RAD1: variants seen among roughly 807,000 people sequenced by gnomAD.
RAD1 encodes cell cycle checkpoint protein RAD1.
Under a neutral mutation model 30.0 loss-of-function variants are expected in RAD1, and 21 were observed. The ratio of observed to expected loss-of-function variants is 0.70; its 90% confidence interval spans 0.50 to 1.01. The LOEUF is 1.01. Among genes scored for constraint, RAD1 ranks in the 50% least tolerant of loss-of-function variants. RAD1 has a pLI of 0.00. For synonymous variants in RAD1, 109 were observed against 113.6 expected (o/e 0.96, Z 0.26); for missense variants, 329 against 329.0 (o/e 1.00, Z 0.00).
In RAD1 at chr5:34,908,729, A is replaced by T; in HGVS notation, c.*36T>A. 5 of 1,516,186 alleles carry T rather than the reference A, an allele frequency of 3.3e-6. No individual in the cohort carries two copies. The highest frequency in any genetic ancestry group is 4.5e-6 in the Non-Finnish European group (5 of 1,116,568). 93.9% of individuals were successfully genotyped at this position (1,516,186 alleles called of 1,614,324 possible). A position where few individuals can be genotyped will look rare whatever the true frequency, so the allele number is the denominator to read the frequency against. On this transcript the variant is annotated 3_prime_UTR_variant, in exon 6 of 6. Coordinates refer to ENST00000382038, the MANE Select transcript of RAD1 (RefSeq NM_002853.4). ...ACTCAGAATAAGAACTTCATCTATC[A>T]TAAATGTACACATAAATATCAGTGA...
At chr5:34,913,857 A>G (rs1763941661) in intron 2 of RAD1, 1 of 477,984 alleles carries the variant, frequency 2.1e-6, no homozygotes, top group African/African-American at 1.9e-5. Flanking sequence ...TGACTTGATA[A>G]TGCATGAGCA....
chr5:34,909,422 A>T (rs1763759995), intron 4 of RAD1, 66 bp from the exon 5 acceptor site: 1 of 1,116,960 alleles, frequency 9.0e-7, no homozygotes, highest in Non-Finnish European at 1.3e-6. Flanking sequence ...ATCCAAATAA[A>T]GAAAACACTT....
At position 34,913,550 on chromosome 5, in the gene RAD1, T is replaced by C. The variant is rs1299824325; in HGVS notation, c.227A>G (p.Gln76Arg). Residue 76 changes from glutamine (Q) to arginine (R), a missense_variant, in exon 3 of 6, where the codon CAG becomes CGG. Coordinates refer to ENST00000382038, the MANE Select transcript of RAD1 (RefSeq NM_002853.4). ...AATTCGAAAAGTAACAGACTCTTCC[T>C]GAACTTTAAACTCCTGAAATATTCC... ...QAGIFQEFKVQEESVTFRINL... is the reference protein window; with the variant it reads ...QAGIFQEFKVREESVTFRINL... 1 of 1,599,966 alleles carries C rather than the reference T, an allele frequency of 6.3e-7. No homozygotes were observed. Among genetic ancestry groups the C allele is most frequent in the African/African-American group, 1.3e-5 (1 of 74,174 alleles).
At position 34,908,449 on chromosome 5, in the gene RAD1, A is replaced by G; in HGVS notation, c.*316T>C. The G allele has an allele frequency of 5.7e-6, 1 of 175,058 alleles. No homozygotes were observed. Among genetic ancestry groups the G allele is most frequent in the African/African-American group, 2.3e-5 (1 of 42,566 alleles). 10.8% of individuals were successfully genotyped at this position (175,058 alleles called of 1,614,324 possible). ...CTCGGCTTCCCAAAGTGCTGGGATT[A>G]AAGCCACCACACCCGGCCACCTTTA... On this transcript the variant is annotated 3_prime_UTR_variant, in exon 6 of 6. Coordinates refer to ENST00000382038, the MANE Select transcript of RAD1 (RefSeq NM_002853.4).
In RAD1 at chr5:34,911,812, C is replaced by T. The variant is rs1190840523; in HGVS notation, c.308G>A (p.Gly103Glu). The T allele has an allele frequency of 6.2e-7, 1 of 1,613,752 alleles. No homozygotes were observed. The highest frequency in any genetic ancestry group is 2.2e-5 in the East Asian group (1 of 44,882). ...LSIFGSSPMP[G>E]TLTALRMCYQ... is the part of the protein sequence containing the mutation. ...ACACATTCGAAGTGCAGTTAAAGTC[C>T]CTGCAATGGAAAGAAGTCATACTTG... The change falls in exon 4 of 6, where the codon GGG becomes GAG. Residue 103 changes from glycine (G) to glutamate (E), a missense_variant and splice_region_variant. By Grantham distance (98) the Gly-to-Glu change is moderately conservative. Coordinates refer to ENST00000382038, the MANE Select transcript of RAD1 (RefSeq NM_002853.4).
At position 34,908,598 on chromosome 5, in the gene RAD1, G is replaced by T; in HGVS notation, c.*167C>A. On this transcript the variant is annotated 3_prime_UTR_variant, in exon 6 of 6. Transcript: ENST00000382038. ...TTATTTACATGCCCTCTACAAAATG[G>T]ATTTACAAAACATAGTAACTATTAG... is the stretch of plus-strand genomic sequence containing the variant. 1.8e-6 allele frequency: 1 copy of T among 563,776 alleles called. No homozygotes were observed. The highest frequency in any genetic ancestry group is 3.1e-6 in the Non-Finnish European group (1 of 322,952). 34.9% of individuals were successfully genotyped at this position (563,776 alleles called of 1,614,324 possible).
intron 1 of RAD1, among the ~76,000 whole-genome samples, chr5:34,915,201 G>A (rs41271665): frequency 1.3e-5 from 2 of 152,310 alleles, no homozygotes; most frequent in East Asian, 3.9e-4. Context: ...CAACTGACAC[G>A]GTATCTCCCG....
At chr5:34,915,371 A>C (rs1764028950) in intron 1 of RAD1, 45 bp downstream of exon 1, 1 of 245,572 alleles carries the variant, frequency 4.1e-6, no homozygotes, top group Admixed American at 5.1e-5. Flanking sequence ...CCCGCGGGAC[A>C]GCATCGCTTA....
chr5:34,910,301 C>G (rs1430386319), intron 4 of RAD1, among the ~76,000 whole-genome samples: 1 of 152,088 alleles, frequency 6.6e-6, no homozygotes, highest in Non-Finnish European at 1.5e-5. Context: ...GTTTTAAGTA[C>G]CTGAATTTTT....
intron 4 of RAD1, 58 bp from the exon 5 acceptor site, chr5:34,909,414 C>A: frequency 8.1e-7 from 1 of 1,228,870 alleles, no homozygotes. Flanking sequence ...ACATTAGGAT[C>A]CAAATAAAGA....
At chr5:34,909,091 T>G (rs1273096084) in intron 5 of RAD1, 143 bp from the exon 6 acceptor site, 2 of 973,854 alleles carry the variant, frequency 2.1e-6, no homozygotes, top group African/African-American at 3.3e-5. Flanking sequence ...TTAAAATTCA[T>G]TCACTGTTAG....
Position 34,909,293 on chromosome 5 carries a change from C to T in RAD1, c.630G>A (p.Met210Ile). 1.2e-6 allele frequency: 2 copies of T among 1,611,148 alleles called. No homozygotes were observed. Among genetic ancestry groups the T allele is most frequent in the Non-Finnish European group, 1.7e-6 (2 of 1,177,746 alleles). The change falls in exon 5 of 6, where the codon ATG becomes ATA. Residue 210 changes from methionine (M) to isoleucine (I), a missense_variant. Met to Ile is a conservative substitution (Grantham distance 10, BLOSUM62 1). Transcript: ENST00000382038. Reference protein sequence around the residue: ...HLDYPKDSDLMEAFHCNQTQV... With the variant: ...HLDYPKDSDLIEAFHCNQTQV... ...GGGTCTGATTACAATGAAATGCTTC[C>T]ATCAAATCAGAATCTTTGGGATAGT... is the stretch of plus-strand genomic sequence containing the variant.
intron 2 of RAD1, chr5:34,913,991 G>A (rs1476950326): frequency 1.3e-5 from 6 of 456,722 alleles, no homozygotes; most frequent in Non-Finnish European, 2.6e-5. Flanking sequence ...CTCCTGAGCA[G>A]CTGGAAATAC....
chr5:34,914,701 A>G lies in RAD1; in HGVS notation c.192T>C (p.Phe64=). The G allele has an allele frequency of 6.2e-7, 1 of 1,614,206 alleles. No homozygotes were observed. ...ENAKCVQANA[F]IQAGIFQEFK... The stretch of plus-strand genomic sequence containing the variant: ...AAGGCGCCTACTTCCATACCTGAAT[A>G]AAAGCATTTGCTTGCACACACTTTG... The change falls in exon 2 of 6, where the codon TTT becomes TTC. Residue 64 remains phenylalanine (F), a synonymous_variant. Coordinates refer to ENST00000382038, the MANE Select transcript of RAD1 (RefSeq NM_002853.4).
chr5:34,908,672 A>AAAATCCAAT lies in RAD1; in HGVS notation c.*84_*92dup. 1 of 1,186,016 alleles carries AAAATCCAAT rather than the reference A, an allele frequency of 8.4e-7. No individual in the cohort carries two copies. Among genetic ancestry groups the AAAATCCAAT allele is most frequent in the East Asian group, 2.4e-5 (1 of 42,034 alleles). The allele number at this position is 1,186,016 out of a possible 1,614,324, so 73.5% of individuals were successfully genotyped here. ...TCCCCATTGTGCTTCTTCTCTATAG[A>AAAATCCAAT]AAATCCAATATGAAATGACAAAGAG... On this transcript the variant is annotated 3_prime_UTR_variant, in exon 6 of 6. Transcript: ENST00000382038.
chr5:34,915,047 G>A, intron 1 of RAD1, 86 bp from the exon 2 acceptor site: 1 of 726,458 alleles, frequency 1.4e-6, no homozygotes, highest in Non-Finnish European at 2.2e-6. Flanking sequence ...AAGGGGCTGG[G>A]AGGCTGAACA....
intron 4 of RAD1, 54 bp from the exon 5 acceptor site, chr5:34,909,410 G>T: frequency 7.9e-7 from 1 of 1,268,976 alleles, no homozygotes; most frequent in South Asian, 1.3e-5. Context: ...AACCACATTA[G>T]GATCCAAATA....
At position 34,914,917 on chromosome 5, in the gene RAD1, G is replaced by C. The variant is rs370097194; in HGVS notation, c.-25C>G. 4.2e-5 allele frequency: 67 copies of C among 1,613,298 alleles called. No individual in the cohort carries two copies. The highest frequency in any genetic ancestry group is 1.0e-4 in the Admixed American group (6 of 59,998). On this transcript the variant is annotated 5_prime_UTR_variant, in exon 2 of 6. Transcript: ENST00000382038. Reference sequence around the variant, plus strand: ...TCGTCCACTGCGCATTCGGCCCCGAGGGATGCTCCTGGGGCCAACAACTTC... The same window carrying C: ...TCGTCCACTGCGCATTCGGCCCCGACGGATGCTCCTGGGGCCAACAACTTC...
rs1448666446 is a variant in RAD1, at chr5:34,908,149, C to G, written c.*616G>C. ...AATAAAAGATCATTTCAGGTAGCTG[C>G]ATCAAACTTTAAGCCTTTAGACTTT... On this transcript the variant is annotated 3_prime_UTR_variant, in exon 6 of 6. Coordinates refer to ENST00000382038, the MANE Select transcript of RAD1 (RefSeq NM_002853.4). 1.3e-5 allele frequency: 2 copies of G among 149,780 alleles called. No homozygotes were observed. The highest frequency in any genetic ancestry group is 3.9e-4 in the East Asian group (2 of 5,120). The allele number at this position is 149,780 out of a possible 1,614,324, so 9.3% of individuals were successfully genotyped here. A position where few individuals can be genotyped will look rare whatever the true frequency, so the allele number is the denominator to read the frequency against.
Sources: allele counts gnomAD v4.1 joint callset (sites outside exome capture counted in the v4.1 genomes callset), GRCh38; gene constraint gnomAD v4.1.1; transcripts MANE v1.5; gene names NCBI Gene and HGNC (gene_info 2026-07-23, HGNC 2026-07-21).